The following ABCC12 variants were observed in gnomAD, a reference collection of about 807,000 sequenced individuals.
ABCC12 encodes ATP-binding cassette sub-family C member 12.
In ABCC12, 142 loss-of-function variants were observed where a neutral mutation model predicts 151.1. The ratio of observed to expected loss-of-function variants is 0.94; its 90% CI spans 0.82 to 1.08. The LOEUF (loss-of-function observed/expected upper bound fraction) is 1.08, where lower values mean the gene tolerates loss of function less well. Ranked by LOEUF, ABCC12 falls within the 50% of genes least tolerant of loss-of-function variation. ABCC12 has a pLI of 0.00. For missense variants in ABCC12, 1,638 were observed against 1,691.1 expected (o/e 0.97, Z 0.55); for synonymous variants, 645 against 646.4 (o/e 1.00, Z 0.03).
chr16:48,124,651 A>G (rs986544016), intron 11 of ABCC12, among the ~76,000 whole-genome samples: 3 of 152,238 alleles, frequency 2.0e-5, no homozygotes. Flanking sequence ...AATGGGATGC[A>G]AAAGGCTGTA....
rs1382076182 is a variant in ABCC12, at chr16:48,141,352, AT to A, written c.276del (p.Arg92SerfsTer10). On this transcript the variant is annotated frameshift_variant and splice_region_variant, in exon 5 of 31. Transcript: ENST00000311303. LOFTEE classifies it high-confidence loss of function. ...TYDSSDTNAKRFRVLWDEEVA... is the reference protein window; with the variant it reads ...TYDSSDTNAKXFRVLWDEEVA... The stretch of plus-strand genomic sequence containing the variant: ...ACCTCTTCATCCCAAAGGACTCGAA[AT>A]CTGTGATGAAAAAACAGAAGCATAA... 4 of 1,613,456 alleles carry A rather than the reference AT, an allele frequency of 2.5e-6. No individual in the cohort carries two copies. Among genetic ancestry groups the A allele is most frequent in the Non-Finnish European group, 3.4e-6 (4 of 1,179,934 alleles).
rs1450237254 is a variant in ABCC12, at chr16:48,088,548, A to G, written c.3472T>C (p.Ser1158Pro). The G allele has an allele frequency of 6.2e-7, 1 of 1,613,660 alleles. No homozygotes were observed. Among genetic ancestry groups the G allele is most frequent in the Non-Finnish European group, 8.5e-7 (1 of 1,179,788 alleles). Residue 1158 changes from serine to proline, a missense_variant, in exon 26 of 31, where the codon TCC becomes CCC. Transcript: ENST00000311303. ...CAAAAGCAGAGCTTGTCCTCACCGG[A>G]ACCTGTTCTTCCAACAATCCCGACT... ...QTVGIVGRTG[S>P]GKSSLGMALF...
chr16:48,102,801 G>A (rs1005098349), intron 22 of ABCC12, among the ~76,000 whole-genome samples: 4 of 152,106 alleles, frequency 2.6e-5, no homozygotes, highest in Admixed American at 6.6e-5. Flanking sequence ...TGCACCACAC[G>A]TATCTCTCTT....
intron 16 of ABCC12, 44 bp from the exon 17 acceptor site, chr16:48,111,706 C>A: frequency 6.2e-7 from 1 of 1,614,062 alleles, no homozygotes; most frequent in Non-Finnish European, 8.5e-7. Context: ...AGTGACAGGA[C>A]CTCTCCCAGG....
intron 4 of ABCC12, among the ~76,000 whole-genome samples, chr16:48,142,045 A>C (rs751524813): frequency 1.3e-5 from 2 of 152,206 alleles, no homozygotes; most frequent in Non-Finnish European, 2.9e-5. Context: ...GAGCGACAAC[A>C]GGGCTTACTG....
chr16:48,098,143 T>C (rs1257435866), intron 23 of ABCC12, among the ~76,000 whole-genome samples: 7 of 143,664 alleles, frequency 4.9e-5, no homozygotes, highest in Non-Finnish European at 1.1e-4. Flanking sequence ...ACACACAGCA[T>C]AGCCTTGCCA....
chr16:48,127,842 T>A lies in ABCC12; in HGVS notation c.1515+617A>T, dbSNP rs540411949. On this transcript the variant is annotated intron_variant, in intron 11 of 30. Coordinates refer to ENST00000311303, the MANE Select transcript of ABCC12 (RefSeq NM_001393797.1). ...GACCCAGGAGGCCAAGACAGGAGAA[T>A]CACTTGAGGCCAGGAGTTCGAGCCT... Among the ~76,000 whole-genome samples the A allele has an allele frequency of 1.4e-4, 21 of 152,238 alleles. No homozygotes were observed. In the East Asian group the frequency reaches 3.7e-3, roughly 27 times the overall value.
intron 11 of ABCC12, among the ~76,000 whole-genome samples, chr16:48,125,385 G>A (rs1964206107): frequency 6.6e-6 from 1 of 152,172 alleles, no homozygotes. Context: ...GTCTGTGAAG[G>A]TCTTTATGGA....
At chr16:48,084,744 C>T (rs1366770348) in intron 29 of ABCC12, among the ~76,000 whole-genome samples, 2 of 152,124 alleles carry the variant, frequency 1.3e-5, no homozygotes, top group Non-Finnish European at 2.9e-5. Context: ...GTCCCTTTTG[C>T]CAGGTAAGTT....
In ABCC12 at chr16:48,124,294, A is replaced by C. The variant is rs1193678380; in HGVS notation, c.1516-10T>G. On this transcript the variant is annotated splice_polypyrimidine_tract_variant and intron_variant, in intron 11 of 30. Coordinates refer to ENST00000311303, the MANE Select transcript of ABCC12 (RefSeq NM_001393797.1). The stretch of plus-strand genomic sequence containing the variant: ...TTCCCAAGATCTTCCCCTGCCAGAG[A>C]AACAGAGATGGGACACAGTCACTCT... 2 of 1,613,604 alleles carry C rather than the reference A, an allele frequency of 1.2e-6. No individual in the cohort carries two copies. Among genetic ancestry groups the C allele is most frequent in the Non-Finnish European group, 1.7e-6 (2 of 1,179,616 alleles).
chr16:48,115,169 C>G, intron 15 of ABCC12, among the ~76,000 whole-genome samples: 1 of 152,166 alleles, frequency 6.6e-6, no homozygotes, highest in Non-Finnish European at 1.5e-5. Context: ...TCAATTGCTT[C>G]TAGAGAATCT....
At chr16:48,143,092 T>C (rs1964874611) in intron 4 of ABCC12, among the ~76,000 whole-genome samples, 1 of 152,232 alleles carries the variant, frequency 6.6e-6, no homozygotes, top group Non-Finnish European at 1.5e-5. Flanking sequence ...TGTCAAATAT[T>C]GGCAGTTTCA....
intron 25 of ABCC12, among the ~76,000 whole-genome samples, chr16:48,090,536 G>A (rs930557230): frequency 1.3e-5 from 2 of 151,440 alleles, no homozygotes; most frequent in African/African-American, 4.9e-5. Flanking sequence ...GAGCCACTGA[G>A]CCTGGCAAAA....
intron 13 of ABCC12, among the ~76,000 whole-genome samples, 178 bp from the exon 14 acceptor site, chr16:48,117,511 G>A (rs532862905): frequency 1.3e-5 from 2 of 152,206 alleles, no homozygotes; most frequent in Non-Finnish European, 2.9e-5. Flanking sequence ...GCGTCCCAGT[G>A]ACCACTGGCC....
intron 22 of ABCC12, among the ~76,000 whole-genome samples, chr16:48,101,393 A>G (rs186272345): frequency 6.6e-6 from 1 of 152,330 alleles, no homozygotes; most frequent in African/African-American, 2.4e-5. Context: ...ACTCTGGAAG[A>G]AAACCCGGTG....
chr16:48,091,271 C>T, intron 24 of ABCC12, 62 bp from the exon 25 acceptor site: 1 of 1,465,864 alleles, frequency 6.8e-7, no homozygotes, highest in South Asian at 1.1e-5. Context: ...TCTGCAGCTC[C>T]CCGTTCAGGA....
chr16:48,084,790 G>A (rs571707786), intron 29 of ABCC12, among the ~76,000 whole-genome samples: 4 of 152,224 alleles, frequency 2.6e-5, no homozygotes, highest in South Asian at 4.2e-4. Flanking sequence ...ATGTTCGCAG[G>A]TTCCAAAAAT....
In ABCC12 at chr16:48,115,446, T is replaced by C; in HGVS notation, c.1958A>G (p.Lys653Arg). The change falls in exon 15 of 31, where the codon AAG becomes AGG. Residue 653 changes from lysine to arginine, a missense_variant. By Grantham distance (26) the Lys-to-Arg change is conservative. Coordinates refer to ENST00000311303, the MANE Select transcript of ABCC12 (RefSeq NM_001393797.1). ...CTGGTGGGTCACCAGGACGACTGTC[T>C]TTCCCCTGAGCGTCTTCTTAATGCA... is the stretch of plus-strand genomic sequence containing the variant. Reference protein sequence around the residue: ...EECIKKTLRGKTVVLVTHQLQ... With the variant: ...EECIKKTLRGRTVVLVTHQLQ... 6.2e-7 allele frequency: 1 copy of C among 1,614,058 alleles called. No homozygotes were observed. The highest frequency in any genetic ancestry group is 8.5e-7 in the Non-Finnish European group (1 of 1,179,930).
rs747579939 is a variant in ABCC12 at position 48,104,139 on chromosome 16, T to G, written c.2900+3A>C. ...TTCTCGTGTAAATAGCACATGGGCC[T>G]ACCGTAACAGAATGAAGAAGCCTAC... On this transcript the variant is annotated splice_donor_region_variant and intron_variant, in intron 22 of 30. Transcript: ENST00000311303. 6.2e-7 allele frequency: 1 copy of G among 1,613,524 alleles called. No individual in the cohort carries two copies. The highest frequency in any genetic ancestry group is 2.2e-5 in the East Asian group (1 of 44,876).
Sources: gnomAD v4.1 joint callset for allele counts (sites outside exome capture counted in the v4.1 genomes callset) on GRCh38, gnomAD v4.1.1 for gene constraint, MANE v1.5 for transcripts, NCBI Gene and HGNC (gene_info 2026-07-23, HGNC 2026-07-21) for gene names.